Variants in SLC9C1 observed in about 807,000 individuals in gnomAD.
SLC9C1 encodes the protein solute carrier family 9 member C1.
SLC9C1 carries 97 observed loss-of-function variants against 140.9 expected under a neutral mutation model. The ratio of observed to expected loss-of-function variants is 0.69; its 90% CI spans 0.58 to 0.82. The LOEUF (loss-of-function observed/expected upper bound fraction) is 0.82, where lower values mean the gene tolerates loss of function less well. Among genes scored for constraint, SLC9C1 ranks in the 40% least tolerant of loss-of-function variants. The pLI is 0.00. For synonymous variants in SLC9C1, 440 were observed against 442.6 expected (o/e 0.99, Z 0.07); for missense variants, 1,340 against 1,389.3 (o/e 0.96, Z 0.56).
At chr3:112,246,680 T>C (rs761674041) in intron 10 of SLC9C1, among the ~76,000 whole-genome samples, 2 of 152,170 alleles carry the variant, frequency 1.3e-5, no homozygotes, top group African/African-American at 2.4e-5. Context: ...CTTAAATTAC[T>C]TCACAGAAAG....
At chr3:112,237,713 T>C (rs2079029029) in intron 12 of SLC9C1, among the ~76,000 whole-genome samples, 1 of 152,220 alleles carries the variant, frequency 6.6e-6, no homozygotes, top group Non-Finnish European at 1.5e-5. Flanking sequence ...CCTTTGCTTA[T>C]GAAGCTTAGT....
rs2077685939 is a variant in SLC9C1, at chr3:112,192,563, T to C, written c.2523+6758A>G. Among the ~76,000 whole-genome samples, 5 of 152,304 alleles carry C rather than the reference T, an allele frequency of 3.3e-5. No individual in the cohort carries two copies. In the South Asian group the frequency reaches 1.0e-3, roughly 32 times the overall value. On this transcript the variant is annotated intron_variant, in intron 20 of 28. Coordinates refer to ENST00000305815, the MANE Select transcript of SLC9C1 (RefSeq NM_183061.3). The stretch of plus-strand genomic sequence containing the variant: ...TATTCTTTTTTTGTTTTTGTTTTTT[T>C]CTTTCTTTTTGGTCTGCCTGAGTTA...
In SLC9C1 at chr3:112,200,894, G is replaced by C; in HGVS notation, c.2323-132C>G. On this transcript the variant is annotated intron_variant, in intron 18 of 28. Transcript: ENST00000305815. ...AAGTAGGATGAAGAGGTTTTCAGGG[G>C]TTCGAATTGAATTTTGTGCCGCAGC... 7.9e-6 allele frequency: 6 copies of C among 763,566 alleles called. 1 individual carries two copies. The South Asian group carries it at 1.2e-4, about 15-fold the overall frequency. The allele number at this position is 763,566 out of a possible 1,614,324, so 47.3% of individuals were successfully genotyped here.
In SLC9C1 at chr3:112,167,305, T is replaced by C. The variant is rs1444005935; in HGVS notation, c.3280A>G (p.Thr1094Ala). Reference sequence around the variant, plus strand: ...CTGAATGTTTTCATGTTAATCGGAGTTTGAATAATCACTACTTTTGTGAAA... The same window carrying C: ...CTGAATGTTTTCATGTTAATCGGAGCTTGAATAATCACTACTTTTGTGAAA... Reference protein sequence around the residue: ...EDFTKVVIIQTPINMKTFRRN... With the variant: ...EDFTKVVIIQAPINMKTFRRN... The change falls in exon 26 of 29, where the codon ACT (threonine) becomes GCT (alanine). Residue 1094 changes from threonine (T) to alanine (A), a missense_variant. Thr to Ala is a moderately conservative substitution (Grantham distance 58). Transcript: ENST00000305815. The C allele has an allele frequency of 1.2e-6, 2 of 1,606,874 alleles. No individual in the cohort carries two copies. Among genetic ancestry groups the C allele is most frequent in the Non-Finnish European group, 8.5e-7 (1 of 1,177,236 alleles).
intron 28 of SLC9C1, among the ~76,000 whole-genome samples, chr3:112,150,623 C>T (rs1560002909): frequency 6.6e-6 from 1 of 151,678 alleles, no homozygotes; most frequent in Non-Finnish European, 1.5e-5. Context: ...TTGAAAGCCT[C>T]TAATCCGCCA....
intron 20 of SLC9C1, among the ~76,000 whole-genome samples, chr3:112,189,817 C>T (rs2077615743): frequency 6.6e-6 from 1 of 152,116 alleles, no homozygotes; most frequent in Admixed American, 6.5e-5. Flanking sequence ...TATTAATTAC[C>T]TTGGGCAGTA....
intron 23 of SLC9C1, among the ~76,000 whole-genome samples, chr3:112,173,994 A>G (rs2077291652): frequency 6.6e-6 from 1 of 152,176 alleles, no homozygotes. Flanking sequence ...GTGAGATGGT[A>G]TCTCATTGTG....
chr3:112,215,319 C>T (rs1483923586), intron 15 of SLC9C1, among the ~76,000 whole-genome samples: 4 of 152,212 alleles, frequency 2.6e-5, no homozygotes, highest in African/African-American at 9.6e-5. Flanking sequence ...TGCCCTCTCT[C>T]ACCATTCCTA....
At chr3:112,150,061 C>T (rs959250093) in intron 28 of SLC9C1, among the ~76,000 whole-genome samples, 1 of 152,186 alleles carries the variant, frequency 6.6e-6, no homozygotes, top group Non-Finnish European at 1.5e-5. Flanking sequence ...CCTCCTACCC[C>T]AGACTTGCAA....
At chr3:112,273,375 A>G (rs774762292) in intron 6 of SLC9C1, among the ~76,000 whole-genome samples, 3 of 152,062 alleles carry the variant, frequency 2.0e-5, no homozygotes, top group Non-Finnish European at 4.4e-5. Flanking sequence ...AAGATGATGT[A>G]CCTTTCTGTG....
At chr3:112,216,314 A>T (rs1351783197) in intron 15 of SLC9C1, among the ~76,000 whole-genome samples, 4 of 152,194 alleles carry the variant, frequency 2.6e-5, no homozygotes, top group African/African-American at 9.7e-5. Context: ...TTCAGGACTA[A>T]AACACCAAAA....
chr3:112,272,083 G>T (rs1165312208), intron 6 of SLC9C1, among the ~76,000 whole-genome samples: 3 of 152,158 alleles, frequency 2.0e-5, no homozygotes, highest in African/African-American at 7.2e-5. Flanking sequence ...CTCTTTGCTG[G>T]AACTACACAT....
At chr3:112,203,816 T>C (rs1286642510) in intron 17 of SLC9C1, among the ~76,000 whole-genome samples, 1 of 151,980 alleles carries the variant, frequency 6.6e-6, no homozygotes, top group Admixed American at 6.6e-5. Flanking sequence ...TTTTCCTTGA[T>C]TTGTATAAAT....
At chr3:112,291,892 A>G (rs1440695503) in intron 1 of SLC9C1, among the ~76,000 whole-genome samples, 1 of 152,244 alleles carries the variant, frequency 6.6e-6, no homozygotes, top group Non-Finnish European at 1.5e-5. Context: ...GGTAGACTAG[A>G]TAAACTAAAT....
chr3:112,158,695 T>C (rs1285385825), intron 26 of SLC9C1, among the ~76,000 whole-genome samples: 1 of 151,900 alleles, frequency 6.6e-6, no homozygotes, highest in Non-Finnish European at 1.5e-5. Flanking sequence ...TTGATCTTGT[T>C]ATGTGTTATG....
At chr3:112,197,527 G>A (rs1332734563) in intron 20 of SLC9C1, among the ~76,000 whole-genome samples, 1 of 151,838 alleles carries the variant, frequency 6.6e-6, no homozygotes, top group Non-Finnish European at 1.5e-5. Context: ...GAGGGGTGAG[G>A]AGTAGCTATT....
intron 26 of SLC9C1, among the ~76,000 whole-genome samples, chr3:112,164,140 T>C (rs936255058): frequency 3.3e-5 from 5 of 151,946 alleles, no homozygotes; most frequent in African/African-American, 1.2e-4. Context: ...TTTTCCTCCA[T>C]CCTTTTATTT....
intron 6 of SLC9C1, among the ~76,000 whole-genome samples, chr3:112,271,364 TA>T (rs1484642690): frequency 7.4e-6 from 1 of 134,702 alleles, no homozygotes; most frequent in African/African-American, 2.6e-5. Context: ...GAGGTGACGT[TA>T]ATTAGTTTGA....
chr3:112,261,026 A>G (rs376678170), intron 10 of SLC9C1, among the ~76,000 whole-genome samples: 2 of 152,124 alleles, frequency 1.3e-5, no homozygotes, highest in African/African-American at 4.8e-5. Context: ...CAGTAAGTTT[A>G]CTGCATCCTG....
Sources: gnomAD v4.1 joint callset for allele counts (sites outside exome capture counted in the v4.1 genomes callset) on GRCh38, gnomAD v4.1.1 for gene constraint, MANE v1.5 for transcripts, NCBI Gene and HGNC (gene_info 2026-07-23, HGNC 2026-07-21) for gene names.